IMPA1: variants seen among roughly 807,000 people sequenced by gnomAD.
The protein encoded by IMPA1 is D-galactose 1-phosphate phosphatase.
IMPA1 carries 21 observed loss-of-function variants against 34.9 expected under a neutral mutation model. The ratio of observed to expected loss-of-function variants is 0.60; its 90% CI spans 0.43 to 0.87. IMPA1 has a LOEUF of 0.87. Ranked by LOEUF, IMPA1 falls within the 40% of genes least tolerant of loss-of-function variation. The probability of loss-of-function intolerance (pLI) is 0.00; values close to 1 mark genes in which losing one functional copy is unlikely to be tolerated. For missense variants in IMPA1, 299 were observed against 336.4 expected (o/e 0.89, Z 0.87); for synonymous variants, 95 against 104.4 (o/e 0.91, Z 0.55).
chr8:81,662,345 T>G (rs1313288121), intron 7 of IMPA1, among the ~76,000 whole-genome samples: 1 of 152,312 alleles, frequency 6.6e-6, no homozygotes, highest in African/African-American at 2.4e-5. Flanking sequence ...AGATATAGAA[T>G]CCTAGGCTAG....
rs1204084033 is a variant in IMPA1, at chr8:81,685,801, C to T, written c.-25+451G>A. The T allele has an allele frequency of 3.9e-6, 6 of 1,543,462 alleles. No individual in the cohort carries two copies. In the South Asian group the frequency reaches 7.2e-5, roughly 18 times the overall value. On this transcript the variant is annotated intron_variant, in intron 1 of 8. Transcript: ENST00000256108. Reference sequence around the variant, plus strand: ...AAGCCATAAACACCTGAACTGTTTCCTGCTGTTTCTGTCCTGGTCACAGCC... The same window carrying T: ...AAGCCATAAACACCTGAACTGTTTCTTGCTGTTTCTGTCCTGGTCACAGCC...
chr8:81,671,920 C>T (rs906775119), intron 6 of IMPA1, among the ~76,000 whole-genome samples: 5 of 152,034 alleles, frequency 3.3e-5, no homozygotes, highest in African/African-American at 9.7e-5. Flanking sequence ...ATAAAAGTTA[C>T]ATAATTTAAT....
At chr8:81,676,862 G>T (rs1439013241) in intron 4 of IMPA1, among the ~76,000 whole-genome samples, 1 of 151,958 alleles carries the variant, frequency 6.6e-6, no homozygotes, top group African/African-American at 2.4e-5. Flanking sequence ...GTGTGGCGGT[G>T]CACGCCTATA....
chr8:81,685,907 C>G lies in IMPA1; in HGVS notation c.-25+345G>C, dbSNP rs1807508037. 6.5e-7 allele frequency: 1 copy of G among 1,545,394 alleles called. No homozygotes were observed. The highest frequency in any genetic ancestry group is 8.7e-7 in the Non-Finnish European group (1 of 1,143,684). ...CTGCGGGCAGCACAGGACCTGGGCGCTGCCCCATCACTTAGAGTGACTACC... is the reference window on the plus strand; with the variant it reads ...CTGCGGGCAGCACAGGACCTGGGCGGTGCCCCATCACTTAGAGTGACTACC... On this transcript the variant is annotated intron_variant, in intron 1 of 8. Coordinates refer to ENST00000256108, the MANE Select transcript of IMPA1 (RefSeq NM_005536.4).
intron 6 of IMPA1, among the ~76,000 whole-genome samples, chr8:81,673,265 G>A (rs1454364095): frequency 1.3e-5 from 2 of 152,182 alleles, no homozygotes; most frequent in African/African-American, 4.8e-5. Context: ...TATTGTTTAT[G>A]TAAAAATGCA....
Position 81,686,257 on chromosome 8 carries a change from G to C in IMPA1, c.-30C>G, listed in dbSNP as rs768435255. 4.1e-4 allele frequency: 416 copies of C among 1,006,814 alleles called. No individual in the cohort carries two copies. Among genetic ancestry groups the C allele is most frequent in the South Asian group, 2.1e-3 (51 of 24,206 alleles). 62.4% of individuals were successfully genotyped at this position (1,006,814 alleles called of 1,614,324 possible). Reference sequence around the variant, plus strand: ...GAGGAAAATAACGGTCTCACCTTGAGTCGGAGGACGTCCGGCTAGCTCTGT... The same window carrying C: ...GAGGAAAATAACGGTCTCACCTTGACTCGGAGGACGTCCGGCTAGCTCTGT... On this transcript the variant is annotated 5_prime_UTR_variant, in exon 1 of 9. Coordinates refer to ENST00000256108, the MANE Select transcript of IMPA1 (RefSeq NM_005536.4).
intron 1 of IMPA1, among the ~76,000 whole-genome samples, chr8:81,681,854 G>A (rs1285404141): frequency 1.3e-5 from 2 of 151,954 alleles, no homozygotes; most frequent in Admixed American, 6.6e-5. Flanking sequence ...CAAAACATTC[G>A]TTTGGAGAAT....
chr8:81,663,117 GA>G (rs896988045), intron 7 of IMPA1, among the ~76,000 whole-genome samples: 20 of 152,106 alleles, frequency 1.3e-4, no homozygotes, highest in African/African-American at 4.3e-4. Context: ...TTATACTTTT[GA>G]AAAAAATCTG....
intron 1 of IMPA1, among the ~76,000 whole-genome samples, chr8:81,683,582 CAA>C (rs1312266059): frequency 6.6e-6 from 1 of 151,672 alleles, no homozygotes; most frequent in African/African-American, 2.4e-5. Flanking sequence ...CAGGGAGCAA[CAA>C]AAAAAGAGTC....
chr8:81,672,908 A>T (rs1383335758), intron 6 of IMPA1, among the ~76,000 whole-genome samples: 1 of 152,216 alleles, frequency 6.6e-6, no homozygotes, highest in African/African-American at 2.4e-5. Context: ...GCAGTAGATA[A>T]AACATAAACC....
intron 8 of IMPA1, among the ~76,000 whole-genome samples, chr8:81,659,972 T>C (rs963782205): frequency 4.0e-5 from 6 of 151,722 alleles, no homozygotes; most frequent in Non-Finnish European, 7.4e-5. Context: ...ATTGTCACCA[T>C]TCAAAGAGCT....
chr8:81,672,566 C>T (rs1322371116), intron 6 of IMPA1, among the ~76,000 whole-genome samples: 3 of 152,152 alleles, frequency 2.0e-5, no homozygotes, highest in Non-Finnish European at 4.4e-5. Context: ...CTCATCATCC[C>T]CTCTCCCAGT....
chr8:81,673,845 T>C lies in IMPA1; in HGVS notation c.453A>G (p.Gln151=). Residue 151 remains glutamine, a synonymous_variant, in exon 6 of 9, where the codon CAA becomes CAG. Transcript: ENST00000256108. ...AAAAATTGGAATTAATCCTACCTTC[T>C]TGTTGTGAAACTTGTAGTTTTTGAC... ...CNGQKLQVSQ[Q]EDITKSLLVT... 1 of 1,574,980 alleles carries C rather than the reference T, an allele frequency of 6.3e-7. No individual in the cohort carries two copies. Among genetic ancestry groups the C allele is most frequent in the Non-Finnish European group, 8.7e-7 (1 of 1,144,808 alleles).
intron 6 of IMPA1, among the ~76,000 whole-genome samples, chr8:81,673,238 G>C (rs1457136975): frequency 6.6e-6 from 1 of 152,210 alleles, no homozygotes; most frequent in Non-Finnish European, 1.5e-5. Context: ...ATTCATATCT[G>C]ATTGCTTCAT....
chr8:81,677,704 T>C (rs1418233975), intron 4 of IMPA1, among the ~76,000 whole-genome samples: 1 of 152,260 alleles, frequency 6.6e-6, no homozygotes, highest in Non-Finnish European at 1.5e-5. Flanking sequence ...TAAGATACTA[T>C]ACACACTGTA....
At position 81,664,355 on chromosome 8, in the gene IMPA1, C is replaced by G. The variant is rs144705693; in HGVS notation, c.567-3688G>C. Among the ~76,000 whole-genome samples, 468 of 152,238 alleles carry G rather than the reference C, an allele frequency of 3.1e-3. 4 individuals are homozygous for G. Among genetic ancestry groups the G allele is most frequent in the African/African-American group, 0.01 (423 of 41,542 alleles). ...GGAAATGCAAACTCTCAAACTACCT[C>G]TAAGTAGAAGAAAAACAAATAAATA... On this transcript the variant is annotated intron_variant, in intron 7 of 8. Transcript: ENST00000256108.
intron 3 of IMPA1, among the ~76,000 whole-genome samples, chr8:81,679,696 A>T (rs1414871270): frequency 1.3e-5 from 2 of 152,158 alleles, no homozygotes; most frequent in African/African-American, 4.8e-5. Flanking sequence ...AAAGACTGAT[A>T]AATGTAAGGA....
chr8:81,680,129 C>T (rs998714020), intron 3 of IMPA1, among the ~76,000 whole-genome samples: 10 of 120,380 alleles, frequency 8.3e-5, no homozygotes, highest in East Asian at 4.2e-4. Context: ...AGCGTGTCTC[C>T]GTCTAAAAAA....
rs557457636 is a variant in IMPA1, at chr8:81,681,179, CAAGA to C, written c.63+315_63+318del. On this transcript the variant is annotated intron_variant, in intron 2 of 8. Coordinates refer to ENST00000256108, the MANE Select transcript of IMPA1 (RefSeq NM_005536.4). Reference sequence around the variant, plus strand: ...GGGAGGCCAAGGTGGTCCAGGAATTCAAGACCAGCCTGGACAACACAGCGAGACC... The same window carrying C: ...GGGAGGCCAAGGTGGTCCAGGAATTCCCAGCCTGGACAACACAGCGAGACC... 2.9e-3 allele frequency among the ~76,000 whole-genome samples: 443 copies of C among 152,252 alleles called. 5 individuals carry two copies. Among genetic ancestry groups the C allele is most frequent in the African/African-American group, 0.01 (424 of 41,550 alleles).
Sources: allele counts gnomAD v4.1 joint callset (sites outside exome capture counted in the v4.1 genomes callset), GRCh38; gene constraint gnomAD v4.1.1; transcripts MANE v1.5; gene names NCBI Gene and HGNC (gene_info 2026-07-23, HGNC 2026-07-21).